The following IPO7 variants were observed in gnomAD, a reference collection of about 807,000 sequenced individuals.
IPO7 encodes the protein importin-7.
Under a neutral mutation model 136.4 loss-of-function variants are expected in IPO7, and 13 were observed. The observed-to-expected ratio is 0.10, with a 90% confidence interval of 0.06 to 0.15. The LOEUF is 0.15. Among genes scored for constraint, IPO7 ranks in the 10% least tolerant of loss-of-function variants. The probability of loss-of-function intolerance (pLI) is 1.00; values close to 1 mark genes in which losing one functional copy is unlikely to be tolerated. For missense variants in IPO7, 857 were observed against 1,240.6 expected (o/e 0.69, Z 4.65); for synonymous variants, 403 against 404.4 (o/e 1.00, Z 0.04).
At chr11:9,435,919 C>A (rs1855362434) in intron 19 of IPO7, among the ~76,000 whole-genome samples, 1 of 152,040 alleles carries the variant, frequency 6.6e-6, no homozygotes, top group South Asian at 2.1e-4. Context: ...TTTTGTAGTT[C>A]TTTACGTGAG....
intron 8 of IPO7, among the ~76,000 whole-genome samples, chr11:9,422,023 T>C (rs1012097352): frequency 6.6e-6 from 1 of 152,182 alleles, no homozygotes; most frequent in Non-Finnish European, 1.5e-5. Flanking sequence ...CTCACGCCTA[T>C]AATCCCAGCA....
chr11:9,429,275 T>G, intron 14 of IPO7, 79 bp downstream of exon 14: 2 of 1,205,390 alleles, frequency 1.7e-6, no homozygotes, highest in South Asian at 2.8e-5. Flanking sequence ...AGCACTTCGG[T>G]AGGCTTAGGT....
chr11:9,431,224 T>G (rs1187952867), intron 16 of IPO7, among the ~76,000 whole-genome samples: 1 of 152,200 alleles, frequency 6.6e-6, no homozygotes, highest in African/African-American at 2.4e-5. Context: ...CTCCTCGTTA[T>G]GTTTTCTCAG....
rs934859818 is a variant in IPO7, at chr11:9,408,707, T to G, written c.320+68T>G. The G allele has an allele frequency of 4.1e-5, 27 of 652,750 alleles. No homozygotes were observed. In the South Asian group the frequency reaches 6.5e-4, roughly 16 times the overall value. The allele number at this position is 652,750 out of a possible 1,614,324, so 40.4% of individuals were successfully genotyped here. A position where few individuals can be genotyped will look rare whatever the true frequency, so the allele number is the denominator to read the frequency against. On this transcript the variant is annotated intron_variant, in intron 3 of 24. Coordinates refer to ENST00000379719, the MANE Select transcript of IPO7 (RefSeq NM_006391.3). ...TTTCAGGGTTTTTTGTTTTTTGGTT[T>G]TTTTTTTTTTTTTTTTTTTTTTTGA...
At chr11:9,408,704 GTTTTTTTTTTTT>G (rs377057603) in intron 3 of IPO7, 65 bp downstream of exon 3, 3 of 172,850 alleles carry the variant, frequency 1.7e-5, no homozygotes, top group Non-Finnish European at 2.7e-5. Context: ...TTGTTTTTTG[GTTTTTTTTTTTT>G]TTTTTTTTTT....
chr11:9,407,365 C>A (rs760412704), intron 2 of IPO7, among the ~76,000 whole-genome samples: 3 of 152,138 alleles, frequency 2.0e-5, no homozygotes, highest in Non-Finnish European at 4.4e-5. Flanking sequence ...ACCATCCTGG[C>A]CAACATGGTG....
At chr11:9,402,370 AG>A (rs1854810430) in intron 1 of IPO7, among the ~76,000 whole-genome samples, 1 of 124,690 alleles carries the variant, frequency 8.0e-6, no homozygotes, top group Non-Finnish European at 1.6e-5. Context: ...ACTGCACTCC[AG>A]CCCAGGCGAC....
Position 9,408,691 on chromosome 11 carries a change from T to G in IPO7, c.320+52T>G, listed in dbSNP as rs769283915. On this transcript the variant is annotated intron_variant, in intron 3 of 24. Coordinates refer to ENST00000379719, the MANE Select transcript of IPO7 (RefSeq NM_006391.3). The stretch of plus-strand genomic sequence containing the variant: ...TCTGCAGGTGTGTAACTTTCAGGGT[T>G]TTTTGTTTTTTGGTTTTTTTTTTTT... 6.2e-6 allele frequency: 8 copies of G among 1,292,902 alleles called. No homozygotes were observed. The East Asian group carries it at 2.1e-4, about 34-fold the overall frequency. 80.1% of individuals were successfully genotyped at this position (1,292,902 alleles called of 1,614,324 possible).
Position 9,425,134 on chromosome 11 carries a change from CTT to C in IPO7, c.1219-9_1219-8del. 6.5e-7 allele frequency: 1 copy of C among 1,541,644 alleles called. No homozygotes were observed. The highest frequency in any genetic ancestry group is 9.0e-7 in the Non-Finnish European group (1 of 1,116,044). On this transcript the variant is annotated splice_polypyrimidine_tract_variant and intron_variant, in intron 11 of 24. Coordinates refer to ENST00000379719, the MANE Select transcript of IPO7 (RefSeq NM_006391.3). ...GCCTATTCAGTAACAATACTTTTCT[CTT>C]TTAATCTAGGTACTGCAAAAGACTA...
chr11:9,397,342 AT>A (rs1296646116), intron 1 of IPO7, among the ~76,000 whole-genome samples: 378 of 14,538 alleles, frequency 0.026, 52 homozygotes, highest in African/African-American at 0.1. Flanking sequence ...TTAAAAAAAA[AT>A]ATATATATAT....
intron 16 of IPO7, among the ~76,000 whole-genome samples, chr11:9,431,462 T>C (rs917114775): frequency 3.1e-5 from 4 of 127,384 alleles, no homozygotes; most frequent in African/African-American, 5.1e-5. Context: ...ATTGTAATAA[T>C]GGATTTTTTT....
Position 9,437,825 on chromosome 11 carries a change from T to C in IPO7, c.2340T>C (p.Thr780=), listed in dbSNP as rs573859168. ...AGGTTAAGACAAGTGAACTTCGAAC[T>C]ATGTGTCTGCAAGTTGCAATTGCAG... ...TREVKTSELR[T]MCLQVAIAAL... Residue 780 remains threonine (T), a synonymous_variant, in exon 21 of 25, where the codon ACT becomes ACC. Transcript: ENST00000379719. 1 of 1,614,106 alleles carries C rather than the reference T, an allele frequency of 6.2e-7. No individual in the cohort carries two copies. Among genetic ancestry groups the C allele is most frequent in the Admixed American group, 1.7e-5 (1 of 60,018 alleles).
At chr11:9,419,867 G>T (rs1855102299) in intron 6 of IPO7, among the ~76,000 whole-genome samples, 1 of 151,980 alleles carries the variant, frequency 6.6e-6, no homozygotes, top group African/African-American at 2.4e-5. Flanking sequence ...CAATTGTCGT[G>T]GCCTTGACTA....
chr11:9,397,506 C>T (rs1451848536), intron 1 of IPO7, among the ~76,000 whole-genome samples: 3 of 150,178 alleles, frequency 2.0e-5, no homozygotes, highest in East Asian at 3.9e-4. Context: ...ACTGGGATTA[C>T]GGGTGTGAGC....
At chr11:9,397,457 G>A (rs1268957010) in intron 1 of IPO7, among the ~76,000 whole-genome samples, 1 of 147,744 alleles carries the variant, frequency 6.8e-6, no homozygotes, top group African/African-American at 2.5e-5. Flanking sequence ...TCTTGATCTC[G>A]TGACCTCAGG....
At chr11:9,416,462 A>G (rs984817872) in intron 5 of IPO7, among the ~76,000 whole-genome samples, 67 of 152,216 alleles carry the variant, frequency 4.4e-4, no homozygotes, top group African/African-American at 1.6e-3. Context: ...GGCATAGGGA[A>G]TAGGACAAAA....
chr11:9,405,816 AG>A (rs1854874480), intron 2 of IPO7, among the ~76,000 whole-genome samples: 1 of 152,162 alleles, frequency 6.6e-6, no homozygotes, highest in African/African-American at 2.4e-5. Context: ...TTAATAGAAA[AG>A]GGTAATTTTT....
intron 1 of IPO7, among the ~76,000 whole-genome samples, chr11:9,387,763 G>A (rs992302985): frequency 2.6e-5 from 4 of 151,824 alleles, no homozygotes; most frequent in Admixed American, 6.6e-5. Context: ...CCTGGGAGGC[G>A]GAGGTTGCGG....
intron 16 of IPO7, among the ~76,000 whole-genome samples, chr11:9,432,351 A>G (rs1170773836): frequency 1.3e-5 from 2 of 151,886 alleles, no homozygotes; most frequent in African/African-American, 2.4e-5. Flanking sequence ...GCAGGCGCGC[A>G]CCACCATGCC....
Sources: allele counts gnomAD v4.1 joint callset (sites outside exome capture counted in the v4.1 genomes callset), GRCh38; gene constraint gnomAD v4.1.1; transcripts MANE v1.5; gene names NCBI Gene and HGNC (gene_info 2026-07-23, HGNC 2026-07-21).